The following UVRAG variants were observed in gnomAD, a reference collection of about 807,000 sequenced individuals.
UVRAG encodes the protein UV radiation resistance-associated gene protein.
Under a neutral mutation model 78.0 loss-of-function variants are expected in UVRAG, and 19 were observed. The observed-to-expected ratio is 0.24, with a 90% CI of 0.17 to 0.36. The LOEUF is 0.36. UVRAG is among the 10% of genes least tolerant of loss of function. The pLI, the probability that UVRAG is intolerant of heterozygous loss-of-function variation, is 1.00. For missense variants in UVRAG, 740 were observed against 853.8 expected, an observed-to-expected ratio of 0.87 and a Z score of 1.66; for synonymous variants, 323 against 324.6, an observed-to-expected ratio of 1.00 and a Z score of 0.05.
At chr11:75,930,773 T>A (rs1225377739) in intron 6 of UVRAG, 1 of 152,222 alleles carries the variant, frequency 6.6e-6, no homozygotes, top group East Asian at 1.9e-4. Context: ...ACATTGTTTA[T>A]GCATAAATAA....
intron 1 of UVRAG, among the ~76,000 whole-genome samples, chr11:75,831,504 A>G (rs1000875034): frequency 1.2e-4 from 17 of 145,612 alleles, no homozygotes; most frequent in Admixed American, 2.1e-4. Flanking sequence ...ACAAACAAAC[A>G]AAAAAAAAAA....
intron 1 of UVRAG, among the ~76,000 whole-genome samples, chr11:75,851,051 T>C (rs1432846551): frequency 6.6e-6 from 1 of 152,224 alleles, no homozygotes; most frequent in African/African-American, 2.4e-5. Flanking sequence ...ACTTGGTTTC[T>C]ATTTTTAAGT....
intron 1 of UVRAG, among the ~76,000 whole-genome samples, chr11:75,816,027 A>C (rs1216007189): frequency 6.6e-6 from 1 of 152,168 alleles, no homozygotes; most frequent in Non-Finnish European, 1.5e-5. Context: ...ATTTGCTTTA[A>C]TCTCCCCTGA....
chr11:76,066,529 A>G (rs909136842), intron 13 of UVRAG, among the ~76,000 whole-genome samples: 37 of 151,722 alleles, frequency 2.4e-4, no homozygotes, highest in African/African-American at 9.0e-4. Context: ...CTGGAGTGCA[A>G]TGGCGCGATC....
intron 13 of UVRAG, among the ~76,000 whole-genome samples, chr11:76,071,520 C>T (rs1006157336): frequency 6.6e-6 from 1 of 152,142 alleles, no homozygotes; most frequent in African/African-American, 2.4e-5. Context: ...AAGATTTAAG[C>T]AGGAAAGTGG....
intron 5 of UVRAG, among the ~76,000 whole-genome samples, chr11:75,908,403 C>T (rs1456198671): frequency 2.0e-5 from 3 of 152,114 alleles, no homozygotes; most frequent in Non-Finnish European, 1.5e-5. Flanking sequence ...TGGCACTTCC[C>T]ATTCTTGCTT....
intron 13 of UVRAG, among the ~76,000 whole-genome samples, chr11:76,103,837 T>G (rs1228551810): frequency 1.3e-5 from 2 of 152,028 alleles, no homozygotes; most frequent in South Asian, 2.1e-4. Flanking sequence ...CTGTAGGGAT[T>G]AACTTAGAAA....
intron 13 of UVRAG, among the ~76,000 whole-genome samples, chr11:76,115,473 C>G (rs1952160696): frequency 6.6e-6 from 1 of 152,196 alleles, no homozygotes; most frequent in African/African-American, 2.4e-5. Context: ...GGTCCTTACC[C>G]TTGTTTATAC....
At chr11:75,819,099 A>T (rs1945330872) in intron 1 of UVRAG, among the ~76,000 whole-genome samples, 1 of 152,178 alleles carries the variant, frequency 6.6e-6, no homozygotes, top group Non-Finnish European at 1.5e-5. Flanking sequence ...TATCCTTGTT[A>T]TTATTGACTC....
At chr11:76,016,295 A>T (rs1476875461) in intron 11 of UVRAG, among the ~76,000 whole-genome samples, 4 of 152,096 alleles carry the variant, frequency 2.6e-5, no homozygotes, top group African/African-American at 9.7e-5. Flanking sequence ...TTATTATGTA[A>T]CCCTGTCTTT....
chr11:75,866,378 A>C (rs538478825), intron 3 of UVRAG, among the ~76,000 whole-genome samples: 1 of 151,480 alleles, frequency 6.6e-6, no homozygotes, highest in South Asian at 2.1e-4. Flanking sequence ...TAAATAAATA[A>C]ATAAAATAAA....
chr11:75,998,864 GTTC>G (rs769734484), intron 8 of UVRAG, among the ~76,000 whole-genome samples: 7 of 152,186 alleles, frequency 4.6e-5, no homozygotes, highest in African/African-American at 7.2e-5. Context: ...GGAAATCTTT[GTTC>G]TTCTGCAGGT....
intron 1 of UVRAG, among the ~76,000 whole-genome samples, chr11:75,819,128 T>A (rs1945331699): frequency 6.6e-6 from 1 of 152,202 alleles, no homozygotes; most frequent in African/African-American, 2.4e-5. Flanking sequence ...CAATCTTCAT[T>A]AAGTCCTGTT....
intron 7 of UVRAG, among the ~76,000 whole-genome samples, chr11:75,963,176 T>A (rs1285422645): frequency 6.6e-6 from 1 of 152,246 alleles, no homozygotes; most frequent in African/African-American, 2.4e-5. Flanking sequence ...TTTTTCTCTC[T>A]CTCTAAGCTC....
intron 13 of UVRAG, among the ~76,000 whole-genome samples, chr11:76,076,208 T>G (rs1951401233): frequency 1.3e-5 from 2 of 152,194 alleles, no homozygotes; most frequent in African/African-American, 2.4e-5. Flanking sequence ...TTCCCACTAC[T>G]AATGTACAAA....
At position 76,141,429 on chromosome 11, in the gene UVRAG, A is replaced by G. The variant is rs370539583; in HGVS notation, c.*16A>G. 4.4e-6 allele frequency: 7 copies of G among 1,606,410 alleles called. No individual in the cohort carries two copies. Among genetic ancestry groups the G allele is most frequent in the African/African-American group, 2.7e-5 (2 of 74,830 alleles). ...CGATAAGTGAAGTGAGCAGGTCAAC[A>G]GTAGGACTGGGGCAGAAGCTCTGCC... On this transcript the variant is annotated 3_prime_UTR_variant, in exon 15 of 15. Coordinates refer to ENST00000356136, the MANE Select transcript of UVRAG (RefSeq NM_003369.4).
At chr11:76,116,847 G>A (rs1031217565) in intron 14 of UVRAG, among the ~76,000 whole-genome samples, 2 of 152,180 alleles carry the variant, frequency 1.3e-5, no homozygotes, top group African/African-American at 4.8e-5. Context: ...TTGCTCTGCT[G>A]ATGTGCCTTC....
chr11:75,996,311 G>T (rs1025631676), intron 8 of UVRAG, among the ~76,000 whole-genome samples: 5 of 151,932 alleles, frequency 3.3e-5, no homozygotes, highest in African/African-American at 1.2e-4. Flanking sequence ...CATATGACTT[G>T]TAAAGGAAGT....
chr11:75,984,430 A>G (rs188389151), intron 8 of UVRAG, among the ~76,000 whole-genome samples: 64 of 152,358 alleles, frequency 4.2e-4, no homozygotes, highest in Admixed American at 2.6e-3. Flanking sequence ...GACACCTTAA[A>G]AGTAGGCTAG....
Sources: allele counts gnomAD v4.1 joint callset (sites outside exome capture counted in the v4.1 genomes callset), GRCh38; gene constraint gnomAD v4.1.1; transcripts MANE v1.5; gene names NCBI Gene and HGNC (gene_info 2026-07-23, HGNC 2026-07-21).